PTPRD: variants seen among roughly 807,000 people sequenced by gnomAD.
PTPRD encodes the protein protein tyrosine phosphatase receptor type D, also known as receptor-type tyrosine-protein phosphatase delta.
A neutral mutation model predicts 214.5 loss-of-function variants in PTPRD; 34 were observed. The ratio of observed to expected loss-of-function variants is 0.16; its 90% CI spans 0.12 to 0.21. PTPRD has a LOEUF of 0.21. Among genes scored for constraint, PTPRD ranks in the 10% least tolerant of loss-of-function variants. PTPRD has a pLI of 1.00. For missense variants in PTPRD, 2,545 were observed against 2,398.7 expected, an observed-to-expected ratio of 1.06 and a Z score of -1.27; for synonymous variants, 1,128 against 845.7, an observed-to-expected ratio of 1.33 and a Z score of -5.79.
chr9:8,923,850 T>A (rs1203404502), intron 11 of PTPRD, among the ~76,000 whole-genome samples: 1 of 152,002 alleles, frequency 6.6e-6, no homozygotes, highest in Non-Finnish European at 1.5e-5. Context: ...ATGCAGTGAG[T>A]CATATGTGAT....
intron 3 of PTPRD, among the ~76,000 whole-genome samples, chr9:10,080,274 G>A (rs570930648): frequency 2.5e-4 from 38 of 152,146 alleles, no homozygotes; most frequent in African/African-American, 8.9e-4. Context: ...ACAGGAGCAG[G>A]CAAACCCAAA....
At chr9:9,650,815 T>C (rs1439229444) in intron 7 of PTPRD, among the ~76,000 whole-genome samples, 1 of 152,108 alleles carries the variant, frequency 6.6e-6, no homozygotes, top group African/African-American at 2.4e-5. Context: ...TATTTCAAAA[T>C]ACAGTAATAT....
intron 9 of PTPRD, among the ~76,000 whole-genome samples, chr9:9,227,657 C>T (rs778911397): frequency 3.3e-5 from 5 of 152,098 alleles, no homozygotes; most frequent in Non-Finnish European, 7.4e-5. Context: ...CTTTGTAGTT[C>T]TTTCCTTCTT....
At chr9:9,864,840 G>C (rs867808879) in intron 5 of PTPRD, among the ~76,000 whole-genome samples, 25 of 151,490 alleles carry the variant, frequency 1.7e-4, no homozygotes, top group Admixed American at 5.9e-4. Flanking sequence ...CGTAGTAAAG[G>C]GTGCATTATT....
In PTPRD at chr9:8,776,920, AATAT is replaced by A. The variant is rs909822489; in HGVS notation, c.-103-42978_-103-42975del. Among the ~76,000 whole-genome samples the A allele has an allele frequency of 1.4e-4, 20 of 147,374 alleles. No individual in the cohort carries two copies. The South Asian group carries it at 2.1e-3, about 15-fold the overall frequency. ...TAATACATATGTATAATATATGTAT[AATAT>A]ATAAATATGATGTAATACATATGTA... On this transcript the variant is annotated intron_variant, in intron 11 of 45. Transcript: ENST00000381196.
At chr9:10,277,210 AACATAC>A (rs1377224385) in intron 3 of PTPRD, among the ~76,000 whole-genome samples, 1 of 151,772 alleles carries the variant, frequency 6.6e-6, no homozygotes. Flanking sequence ...CATAAACATA[AACATAC>A]AACATAAACA....
intron 9 of PTPRD, among the ~76,000 whole-genome samples, chr9:9,250,901 T>C (rs1201007726): frequency 6.6e-6 from 1 of 152,134 alleles, no homozygotes; most frequent in African/African-American, 2.4e-5. Flanking sequence ...ATCTTTATCC[T>C]TGGATCACAC....
chr9:9,160,384 C>G (rs1592659165), intron 10 of PTPRD, among the ~76,000 whole-genome samples: 1 of 152,106 alleles, frequency 6.6e-6, no homozygotes, highest in East Asian at 1.9e-4. Flanking sequence ...TTTGAAAACA[C>G]ATTTTTCAGA....
At chr9:10,391,298 C>T (rs1426607193) in intron 2 of PTPRD, among the ~76,000 whole-genome samples, 1 of 151,728 alleles carries the variant, frequency 6.6e-6, no homozygotes, top group Non-Finnish European at 1.5e-5. Context: ...GGACAATATT[C>T]ACATTATTAT....
chr9:8,340,466 T>C lies in PTPRD; in HGVS notation c.5130A>G (p.Gln1710=), dbSNP rs1302974542. Residue 1710 remains glutamine, a synonymous_variant, in exon 42 of 46, where the codon CAA becomes CAG. Transcript: ENST00000381196. The stretch of plus-strand genomic sequence containing the variant: ...CCTGGGTAGCGATGTAGGCTTTCTG[T>C]TGTCTGAATTACAGAGAATGAAAAG... The part of the protein sequence containing the change: ...INASFIDGYR[Q]QKAYIATQGP... 1.3e-6 allele frequency: 2 copies of C among 1,588,844 alleles called. No homozygotes were observed. The highest frequency in any genetic ancestry group is 1.7e-6 in the Non-Finnish European group (2 of 1,161,850).
At chr9:9,216,240 C>T (rs1218509578) in intron 9 of PTPRD, among the ~76,000 whole-genome samples, 1 of 152,076 alleles carries the variant, frequency 6.6e-6, no homozygotes, top group Non-Finnish European at 1.5e-5. Context: ...CTGTACAATG[C>T]CTGGAATATA....
At chr9:10,342,037 G>A (rs951925157) in intron 2 of PTPRD, among the ~76,000 whole-genome samples, 1 of 151,958 alleles carries the variant, frequency 6.6e-6, no homozygotes, top group African/African-American at 2.4e-5. Flanking sequence ...ATAAATTGTG[G>A]TTCTTGGAAT....
chr9:9,197,912 T>C (rs555040064), intron 9 of PTPRD, among the ~76,000 whole-genome samples: 1 of 152,314 alleles, frequency 6.6e-6, no homozygotes. Flanking sequence ...CACCACTCTA[T>C]CAGACATTGA....
intron 2 of PTPRD, among the ~76,000 whole-genome samples, chr9:10,447,866 T>TTA (rs1263780077): frequency 3.0e-4 from 45 of 152,022 alleles, no homozygotes; most frequent in Admixed American, 2.9e-3. Flanking sequence ...TGAATTAGGA[T>TTA]ACTCAGAATT....
intron 3 of PTPRD, among the ~76,000 whole-genome samples, chr9:10,127,626 G>C (rs150408): frequency 0.5 from 76,013 of 151,936 alleles, 20,232 homozygotes; most frequent in Middle Eastern, 0.64. Flanking sequence ...TAATCATATT[G>C]TTTCTTATCC....
At chr9:9,920,885 C>G (rs1200587460) in intron 5 of PTPRD, among the ~76,000 whole-genome samples, 1 of 152,008 alleles carries the variant, frequency 6.6e-6, no homozygotes, top group Non-Finnish European at 1.5e-5. Flanking sequence ...GCAGGATGAA[C>G]GAAGAAGGAT....
chr9:9,494,364 G>A (rs1006086680), intron 8 of PTPRD, among the ~76,000 whole-genome samples: 4 of 152,106 alleles, frequency 2.6e-5, no homozygotes, highest in African/African-American at 7.2e-5. Flanking sequence ...GCATTGCATA[G>A]AACAAAACTT....
chr9:8,773,354 A>G (rs974026638), intron 11 of PTPRD, among the ~76,000 whole-genome samples: 17 of 152,050 alleles, frequency 1.1e-4, no homozygotes, highest in Admixed American at 5.9e-4. Flanking sequence ...CCAACTCAGG[A>G]GTTTGCCAAG....
At chr9:9,446,921 A>G (rs2090608007) in intron 8 of PTPRD, among the ~76,000 whole-genome samples, 1 of 152,282 alleles carries the variant, frequency 6.6e-6, no homozygotes, top group South Asian at 2.1e-4. Flanking sequence ...AAAAAGCTCA[A>G]TATCACTGAT....
Sources: gnomAD v4.1 joint callset for allele counts (sites outside exome capture counted in the v4.1 genomes callset) on GRCh38, gnomAD v4.1.1 for gene constraint, MANE v1.5 for transcripts, NCBI Gene and HGNC (gene_info 2026-07-23, HGNC 2026-07-21) for gene names.